NHLRC2: variants seen among roughly 807,000 people sequenced by gnomAD.
The protein encoded by NHLRC2 is NHL repeat containing 2.
Under a neutral mutation model 68.1 loss-of-function variants are expected in NHLRC2, and 33 were observed. That is an observed-to-expected ratio of 0.48 (90% confidence interval 0.37 to 0.65). The LOEUF is 0.65. Ranked by LOEUF, NHLRC2 falls within the 30% of genes least tolerant of loss-of-function variation. NHLRC2 has a pLI of 0.00. For synonymous variants in NHLRC2, 311 were observed against 309.6 expected (o/e 1.00, Z -0.05); for missense variants, 761 against 853.8 (o/e 0.89, Z 1.35).
chr10:113,903,575 A>T lies in NHLRC2; in HGVS notation c.1543A>T (p.Thr515Ser). The T allele has an allele frequency of 6.2e-7, 1 of 1,612,880 alleles. No individual in the cohort carries two copies. The highest frequency in any genetic ancestry group is 8.5e-7 in the Non-Finnish European group (1 of 1,179,216). The change falls in exon 9 of 11, where the codon ACT becomes TCT. Residue 515 changes from threonine (T) to serine (S), a missense_variant. Coordinates refer to ENST00000369301, the MANE Select transcript of NHLRC2 (RefSeq NM_198514.4). ...AAAAAACTGTACAACATTAGCAGGA[A>T]CTGGAGACACAAATAATGTTACCAG... is the stretch of plus-strand genomic sequence containing the variant. ...KTKNCTTLAG[T>S]GDTNNVTSSS...
intron 5 of NHLRC2, among the ~76,000 whole-genome samples, chr10:113,891,852 A>C (rs1215145698): frequency 6.6e-6 from 1 of 152,064 alleles, no homozygotes; most frequent in Non-Finnish European, 1.5e-5. Flanking sequence ...GGATGTGGGG[A>C]GCTTTTTCAT....
At position 113,898,156 on chromosome 10, in the gene NHLRC2, G is replaced by T; in HGVS notation, c.1086G>T (p.Gly362=). The T allele has an allele frequency of 1.2e-6, 2 of 1,613,162 alleles. No individual in the cohort carries two copies. The highest frequency in any genetic ancestry group is 2.2e-5 in the South Asian group (2 of 91,050). Residue 362 remains glycine, a synonymous_variant, in exon 6 of 11, where the codon GGG becomes GGT. Coordinates refer to ENST00000369301, the MANE Select transcript of NHLRC2 (RefSeq NM_198514.4). Reference sequence around the variant, plus strand: ...ACATTTTATGGATAGCCATGGCAGGGACTCATCAGATATGGGCACTCCTGC... The same window carrying T: ...ACATTTTATGGATAGCCATGGCAGGTACTCATCAGATATGGGCACTCCTGC... The part of the protein sequence containing the change: ...RGDILWIAMA[G]THQIWALLLD...
chr10:113,907,698 A>G lies in NHLRC2; in HGVS notation c.1925-582A>G, dbSNP rs376874238. ...AGATATACAAAATCTCTTGGTTTTT[A>G]CATTACTTAAGCCCACAGAGAATAG... On this transcript the variant is annotated intron_variant, in intron 10 of 10. Transcript: ENST00000369301. Among the ~76,000 whole-genome samples the G allele has an allele frequency of 5.4e-4, 82 of 152,358 alleles. 1 individual carries two copies. In the South Asian group the frequency reaches 0.017, roughly 31 times the overall value.
chr10:113,879,532 C>T, intron 3 of NHLRC2, 42 bp from the exon 4 acceptor site: 3 of 1,535,152 alleles, frequency 2.0e-6, no homozygotes, highest in East Asian at 4.7e-5. Flanking sequence ...TTTGTTTTAC[C>T]TTGAGATCAC....
At chr10:113,867,941 A>C (rs891349232) in intron 2 of NHLRC2, among the ~76,000 whole-genome samples, 8 of 152,272 alleles carry the variant, frequency 5.3e-5, no homozygotes, top group African/African-American at 1.7e-4. Context: ...GTATTTTAAA[A>C]AGTGGTTTTA....
At chr10:113,873,168 T>A (rs142538114) in intron 2 of NHLRC2, among the ~76,000 whole-genome samples, 2 of 152,274 alleles carry the variant, frequency 1.3e-5, no homozygotes, top group African/African-American at 2.4e-5. Context: ...CCAAAGAGAT[T>A]ATATCCAACC....
At chr10:113,860,194 G>A (rs1173766636) in intron 2 of NHLRC2, among the ~76,000 whole-genome samples, 2 of 152,110 alleles carry the variant, frequency 1.3e-5, no homozygotes, top group Non-Finnish European at 1.5e-5. Context: ...GATGACATTT[G>A]TGTTTTAGAA....
intron 2 of NHLRC2, among the ~76,000 whole-genome samples, chr10:113,873,619 G>C (rs1845950590): frequency 6.6e-6 from 1 of 152,134 alleles, no homozygotes. Context: ...TGGAATTAAA[G>C]TTGTAATTAC....
intron 10 of NHLRC2, 86 bp downstream of exon 10, chr10:113,905,122 T>TA: frequency 2.8e-6 from 2 of 720,186 alleles, no homozygotes; most frequent in Admixed American, 3.2e-5. Flanking sequence ...GTGATATTTT[T>TA]ACTCTGTATA....
chr10:113,875,961 A>T (rs1037461861), intron 2 of NHLRC2, among the ~76,000 whole-genome samples: 4 of 151,050 alleles, frequency 2.6e-5, no homozygotes, highest in African/African-American at 9.7e-5. Flanking sequence ...TATTGATTAG[A>T]TAAGAGAAGT....
chr10:113,917,164 G>A lies in NHLRC2; in HGVS notation c.*8628G>A, dbSNP rs1001563271. The A allele has an allele frequency of 7.2e-5, 11 of 152,012 alleles. No homozygotes were observed. The highest frequency in any genetic ancestry group is 1.2e-4 in the Non-Finnish European group (8 of 67,978). 9.4% of individuals were successfully genotyped at this position (152,012 alleles called of 1,614,324 possible). On this transcript the variant is annotated 3_prime_UTR_variant, in exon 11 of 11. Coordinates refer to ENST00000369301, the MANE Select transcript of NHLRC2 (RefSeq NM_198514.4). Reference sequence around the variant, plus strand: ...TTCTAAAGCTTTGTACATTTTTTTCGTGAAATAGATTAAATATTTTCTCTC... The same window carrying A: ...TTCTAAAGCTTTGTACATTTTTTTCATGAAATAGATTAAATATTTTCTCTC...
chr10:113,855,722 C>A (rs190475644), intron 1 of NHLRC2, among the ~76,000 whole-genome samples: 10 of 152,280 alleles, frequency 6.6e-5, no homozygotes, highest in African/African-American at 1.2e-4. Context: ...TGGTCTCGAC[C>A]TCCTGATTTC....
rs1455770805 is a variant in NHLRC2, at chr10:113,876,900, A to G, written c.711A>G (p.Arg237=). The G allele has an allele frequency of 1.2e-6, 2 of 1,612,654 alleles. No homozygotes were observed. Among genetic ancestry groups the G allele is most frequent in the East Asian group, 2.2e-5 (1 of 44,852 alleles). Residue 237 remains arginine, a synonymous_variant, in exon 3 of 11, where the codon AGA becomes AGG. Transcript: ENST00000369301. ...TAACAGTAGACCAAGTTACTGATAG[A>G]TTGGTAATAGCAGACACTGGACATC... The part of the protein sequence containing the change: ...GKVTVDQVTD[R]LVIADTGHHR...
At chr10:113,879,028 G>T (rs1280811678) in intron 3 of NHLRC2, among the ~76,000 whole-genome samples, 2 of 152,174 alleles carry the variant, frequency 1.3e-5, no homozygotes, top group Non-Finnish European at 2.9e-5. Flanking sequence ...CTGAGAGGTG[G>T]ACTAGAATCA....
rs78988533 is a variant in NHLRC2, at chr10:113,880,456, G to A, written c.909+761G>A. ...TTTCAGACATTTCCTCCTGATGGTT[G>A]TTTTGGCTAAACCATTGGTCTTTAA... On this transcript the variant is annotated intron_variant, in intron 4 of 10. Coordinates refer to ENST00000369301, the MANE Select transcript of NHLRC2 (RefSeq NM_198514.4). 5.8e-3 allele frequency among the ~76,000 whole-genome samples: 882 copies of A among 151,514 alleles called. 9 individuals carry two copies. Among genetic ancestry groups the A allele is most frequent in the African/African-American group, 0.019 (801 of 41,354 alleles).
rs375118723 is a variant in NHLRC2, at chr10:113,904,822, C to G, written c.1710C>G (p.Pro570=). The G allele has an allele frequency of 4.2e-5, 67 of 1,611,352 alleles. No homozygotes were observed. The highest frequency in any genetic ancestry group is 5.6e-5 in the Non-Finnish European group (66 of 1,177,768). ...DLETKMVSVL[P]IFRSENAVVD... is the part of the protein sequence containing the mutation. ...CAGATTTTCTTATTTCCTAGCTCCC[C>G]ATCTTCAGATCTGAAAATGCTGTGG... The change falls in exon 10 of 11, where the codon CCC becomes CCG. Residue 570 remains proline, a synonymous_variant. Transcript: ENST00000369301.
chr10:113,896,594 C>T (rs950788139), intron 5 of NHLRC2, among the ~76,000 whole-genome samples: 1 of 151,644 alleles, frequency 6.6e-6, no homozygotes, highest in African/African-American at 2.4e-5. Flanking sequence ...TGCAGCGCAC[C>T]AGCATGGCAC....
chr10:113,863,641 T>C (rs545589240), intron 2 of NHLRC2, among the ~76,000 whole-genome samples: 3 of 151,986 alleles, frequency 2.0e-5, no homozygotes, highest in African/African-American at 7.2e-5. Flanking sequence ...AGAAACAAAA[T>C]AGATAATAGA....
chr10:113,875,424 G>A (rs1423202402), intron 2 of NHLRC2, among the ~76,000 whole-genome samples: 1 of 152,230 alleles, frequency 6.6e-6, no homozygotes, highest in South Asian at 2.1e-4. Context: ...TCTCCTCAGG[G>A]TTTCTCCCAC....
Sources: allele counts gnomAD v4.1 joint callset (sites outside exome capture counted in the v4.1 genomes callset), GRCh38; gene constraint gnomAD v4.1.1; transcripts MANE v1.5; gene names NCBI Gene and HGNC (gene_info 2026-07-23, HGNC 2026-07-21).